Variants in TBC1D5 observed in about 807,000 individuals in gnomAD.
TBC1D5 encodes the protein TBC1 domain family member 5.
In TBC1D5, 75 loss-of-function variants were observed where a neutral mutation model predicts 100.3. The observed-to-expected ratio is 0.75, with a 90% CI of 0.62 to 0.91. The LOEUF (loss-of-function observed/expected upper bound fraction) is 0.91, where lower values mean the gene tolerates loss of function less well. Ranked by LOEUF, TBC1D5 falls within the 40% of genes least tolerant of loss-of-function variation. TBC1D5 has a pLI of 0.00. For synonymous variants in TBC1D5, 323 were observed against 325.6 expected (o/e 0.99, Z 0.09); for missense variants, 910 against 942.4 (o/e 0.97, Z 0.45).
chr3:17,335,586 G>A (rs1001567775), intron 13 of TBC1D5, among the ~76,000 whole-genome samples: 7 of 152,006 alleles, frequency 4.6e-5, no homozygotes, highest in Non-Finnish European at 5.9e-5. Flanking sequence ...CATTAATACC[G>A]ACTTGTACAC....
chr3:17,243,538 G>GA (rs546387882), intron 16 of TBC1D5, among the ~76,000 whole-genome samples: 84 of 151,538 alleles, frequency 5.5e-4, no homozygotes, highest in Non-Finnish European at 7.8e-4. Flanking sequence ...GAGCAAAAAT[G>GA]AAAAAAAGAC....
intron 1 of TBC1D5, chr3:17,706,025 G>T: frequency 6.5e-7 from 1 of 1,548,256 alleles, no homozygotes; most frequent in Non-Finnish European, 8.7e-7. Context: ...ACCCAGCCTG[G>T]ACTTACACCA....
intron 1 of TBC1D5, among the ~76,000 whole-genome samples, chr3:17,634,851 C>T (rs1378921372): frequency 6.6e-6 from 1 of 151,968 alleles, no homozygotes; most frequent in East Asian, 1.9e-4. Context: ...ATACTATGTA[C>T]CCCCAAAAAT....
At chr3:17,404,637 T>C (rs2093722781) in intron 7 of TBC1D5, 57 bp downstream of exon 7, 5 of 1,478,616 alleles carry the variant, frequency 3.4e-6, no homozygotes, top group Admixed American at 2.2e-5. Flanking sequence ...CAACCAGTCA[T>C]ATAAACATAT....
At chr3:17,207,072 C>G (rs1217003931) in intron 18 of TBC1D5, among the ~76,000 whole-genome samples, 2 of 152,082 alleles carry the variant, frequency 1.3e-5, no homozygotes, top group Non-Finnish European at 2.9e-5. Flanking sequence ...GTAGCTGGGA[C>G]TACAGGTGCA....
At chr3:17,681,068 TTTAC>T (rs1186915655) in intron 1 of TBC1D5, among the ~76,000 whole-genome samples, 1 of 151,472 alleles carries the variant, frequency 6.6e-6, no homozygotes, top group African/African-American at 2.5e-5. Flanking sequence ...TGGCTGTACT[TTTAC>T]TTGTCATAAT....
At chr3:17,687,176 T>A (rs2153820723) in intron 1 of TBC1D5, among the ~76,000 whole-genome samples, 1 of 152,286 alleles carries the variant, frequency 6.6e-6, no homozygotes, top group African/African-American at 2.4e-5. Context: ...CTTATATGAC[T>A]AAAGTTATGA....
intron 13 of TBC1D5, among the ~76,000 whole-genome samples, chr3:17,355,387 G>A (rs986181874): frequency 6.6e-6 from 1 of 152,080 alleles, no homozygotes; most frequent in Non-Finnish European, 1.5e-5. Flanking sequence ...ATAGTTCCAA[G>A]TAGAAAACAA....
At chr3:17,239,784 A>G (rs1052632937) in intron 16 of TBC1D5, among the ~76,000 whole-genome samples, 3 of 152,180 alleles carry the variant, frequency 2.0e-5, no homozygotes, top group African/African-American at 7.2e-5. Context: ...TTCCCAAATG[A>G]CTCAGAATCT....
chr3:17,451,026 G>T (rs1455197807), intron 3 of TBC1D5, among the ~76,000 whole-genome samples: 3 of 152,160 alleles, frequency 2.0e-5, no homozygotes, highest in African/African-American at 7.2e-5. Flanking sequence ...ACTAACAGCG[G>T]ATCTCTCAGC....
chr3:17,158,295 G>A (rs2065758423), exon 22 of TBC1D5: 1 of 152,184 alleles, frequency 6.6e-6, no homozygotes, highest in South Asian at 2.1e-4. Flanking sequence ...GTATTTAACT[G>A]CTAATAATCA....
At chr3:17,226,729 C>G (rs1342378245) in intron 17 of TBC1D5, among the ~76,000 whole-genome samples, 1 of 152,148 alleles carries the variant, frequency 6.6e-6, no homozygotes, top group African/African-American at 2.4e-5. Context: ...TCTTTCACTC[C>G]CCAGGTACTG....
intron 13 of TBC1D5, among the ~76,000 whole-genome samples, chr3:17,347,721 C>A (rs956674199): frequency 1.3e-5 from 2 of 152,116 alleles, no homozygotes; most frequent in South Asian, 4.2e-4. Context: ...TCTAAATTAT[C>A]CCTTGGGACA....
intron 4 of TBC1D5, among the ~76,000 whole-genome samples, chr3:17,416,955 A>G (rs1264618130): frequency 6.6e-6 from 1 of 152,212 alleles, no homozygotes; most frequent in Non-Finnish European, 1.5e-5. Flanking sequence ...TTTAAAATGA[A>G]GATAAATGGG....
intron 19 of TBC1D5, among the ~76,000 whole-genome samples, chr3:17,184,163 T>C (rs1346659730): frequency 1.3e-5 from 2 of 152,214 alleles, no homozygotes; most frequent in Non-Finnish European, 2.9e-5. Context: ...GTATCTCTAA[T>C]GTGAGATATA....
chr3:17,571,515 T>C (rs1458353371), intron 2 of TBC1D5, among the ~76,000 whole-genome samples: 4 of 152,022 alleles, frequency 2.6e-5, no homozygotes, highest in African/African-American at 9.7e-5. Context: ...TTCTTTGACT[T>C]CATTTAAATC....
chr3:17,593,243 T>C (rs908159373), intron 2 of TBC1D5, among the ~76,000 whole-genome samples: 2 of 152,248 alleles, frequency 1.3e-5, no homozygotes, highest in Non-Finnish European at 2.9e-5. Context: ...GTGGCTAAGA[T>C]GACCCTTTCT....
chr3:17,508,648 T>C (rs554408699), intron 2 of TBC1D5, 43 bp from the exon 3 acceptor site: 2 of 1,003,984 alleles, frequency 2.0e-6, no homozygotes, highest in Admixed American at 3.5e-5. Flanking sequence ...AAATTCTTTT[T>C]CTGCTATGAC....
At chr3:17,254,325 C>T (rs1029182425) in intron 16 of TBC1D5, among the ~76,000 whole-genome samples, 1 of 152,236 alleles carries the variant, frequency 6.6e-6, no homozygotes, top group Admixed American at 6.5e-5. Context: ...TTTCTGCTCA[C>T]ATCAGGAATA....
Sources: allele counts gnomAD v4.1 joint callset (sites outside exome capture counted in the v4.1 genomes callset), GRCh38; gene constraint gnomAD v4.1.1; transcripts MANE v1.5; gene names NCBI Gene and HGNC (gene_info 2026-07-23, HGNC 2026-07-21).